Variants in MAPK6 observed in about 807,000 individuals in gnomAD.
MAPK6 encodes mitogen-activated protein kinase 6, also known as ERK-3.
A neutral mutation model predicts 59.3 loss-of-function variants in MAPK6; 19 were observed. The ratio of observed to expected loss-of-function variants is 0.32; its 90% CI spans 0.22 to 0.47. The LOEUF is 0.47. MAPK6 is among the 20% of genes least tolerant of loss of function. The probability of loss-of-function intolerance (pLI) is 1.00; values close to 1 mark genes in which losing one functional copy is unlikely to be tolerated. For missense variants in MAPK6, 724 were observed against 847.9 expected, an observed-to-expected ratio of 0.85 and a Z score of 1.81; for synonymous variants, 316 against 290.3, an observed-to-expected ratio of 1.09 and a Z score of -0.90.
At chr15:52,003,824 G>T (rs4502161) in intron 2 of MAPK6, among the ~76,000 whole-genome samples, 151,537 of 152,366 alleles carry the variant, frequency 0.99, 75,380 homozygotes, top group Middle Eastern at 1. Context: ...GAGTAAAATA[G>T]GGATGGCCAG....
intron 1 of MAPK6, among the ~76,000 whole-genome samples, chr15:52,038,956 T>C (rs918158593): frequency 6.6e-6 from 1 of 152,186 alleles, no homozygotes; most frequent in Non-Finnish European, 1.5e-5. Context: ...TCTATAGGGA[T>C]GTTATTACTA....
intron 2 of MAPK6, among the ~76,000 whole-genome samples, chr15:51,989,824 G>A (rs1351724952): frequency 1.3e-5 from 2 of 152,024 alleles, no homozygotes; most frequent in Non-Finnish European, 1.5e-5. Context: ...GGCTGGTCTC[G>A]AATGCTTGGC....
intron 3 of MAPK6, among the ~76,000 whole-genome samples, chr15:52,010,491 A>C (rs1046109949): frequency 7.1e-6 from 1 of 139,920 alleles, no homozygotes; most frequent in African/African-American, 2.7e-5. Context: ...CTGGGATTAC[A>C]GGCATGAGCC....
At chr15:52,010,551 C>T (rs1365059060) in intron 3 of MAPK6, among the ~76,000 whole-genome samples, 2 of 119,698 alleles carry the variant, frequency 1.7e-5, no homozygotes, top group Middle Eastern at 6.6e-3. Flanking sequence ...CAGAGTTTCA[C>T]TCTGTTGCCC....
chr15:52,047,594 C>T (rs559124563), intron 2 of MAPK6, among the ~76,000 whole-genome samples: 96 of 151,972 alleles, frequency 6.3e-4, no homozygotes, highest in African/African-American at 2.0e-3. Context: ...GATCTGCCTG[C>T]GTCAGCCTCC....
At chr15:52,052,446 A>G (rs1358412098) in intron 3 of MAPK6, among the ~76,000 whole-genome samples, 1 of 152,230 alleles carries the variant, frequency 6.6e-6, no homozygotes, top group African/African-American at 2.4e-5. Flanking sequence ...TTATTTAAAT[A>G]ATATAGTTCC....
chr15:51,999,620 A>T (rs1321938943), intron 2 of MAPK6, among the ~76,000 whole-genome samples: 6 of 151,090 alleles, frequency 4.0e-5, no homozygotes, highest in Non-Finnish European at 7.4e-5. Flanking sequence ...TTTTTATTTT[A>T]GTTTCCCTCT....
Position 52,058,749 on chromosome 15 carries a change from G to C in MAPK6, c.817G>C (p.Glu273Gln). ...AGTTTACATTAGAAATGACATGACTGAGCCACACAAACCTTTAACTCAGCT... is the reference window on the plus strand; with the variant it reads ...AGTTTACATTAGAAATGACATGACTCAGCCACACAAACCTTTAACTCAGCT... The part of the protein sequence containing the change: ...IPVYIRNDMT[E>Q]PHKPLTQLLP... The change falls in exon 4 of 6, where the codon GAG (glutamate) becomes CAG (glutamine). Residue 273 changes from glutamate (E) to glutamine (Q), a missense_variant. Coordinates refer to ENST00000261845, the MANE Select transcript of MAPK6 (RefSeq NM_002748.4). The C allele has an allele frequency of 6.2e-7, 1 of 1,613,390 alleles. No individual in the cohort carries two copies. Among genetic ancestry groups the C allele is most frequent in the Non-Finnish European group, 8.5e-7 (1 of 1,179,640 alleles).
intron 1 of MAPK6, among the ~76,000 whole-genome samples, chr15:52,034,573 T>C (rs537603940): frequency 6.6e-6 from 1 of 152,330 alleles, no homozygotes; most frequent in East Asian, 1.9e-4. Flanking sequence ...CCCAAAGTGC[T>C]AGGATTACAG....
intron 2 of MAPK6, among the ~76,000 whole-genome samples, chr15:51,994,609 G>A (rs908562109): frequency 1.3e-5 from 2 of 152,116 alleles, no homozygotes; most frequent in Admixed American, 1.3e-4. Context: ...TAGCTTCAAG[G>A]TATTCCTCAC....
At chr15:52,043,401 G>A (rs904646527) in intron 1 of MAPK6, among the ~76,000 whole-genome samples, 2 of 151,558 alleles carry the variant, frequency 1.3e-5, no homozygotes, top group African/African-American at 4.9e-5. Context: ...AGGTCCAAGC[G>A]ATTCTCTTGC....
chr15:52,060,825 G>A (rs2032171990), intron 4 of MAPK6, among the ~76,000 whole-genome samples: 1 of 152,154 alleles, frequency 6.6e-6, no homozygotes, highest in Admixed American at 6.5e-5. Flanking sequence ...GGATGGGAAA[G>A]GGCTTTTATT....
chr15:52,002,256 A>G (rs1203401532), intron 2 of MAPK6, among the ~76,000 whole-genome samples: 1 of 152,158 alleles, frequency 6.6e-6, no homozygotes, highest in African/African-American at 2.4e-5. Context: ...ATTCTCTTCC[A>G]TTGGTATACA....
upstream of MAPK6, among the ~76,000 whole-genome samples, chr15:52,016,066 G>GCACACACACACACACACA (rs926833047): frequency 2.3e-5 from 1 of 44,338 alleles, no homozygotes; most frequent in Non-Finnish European, 4.8e-5. Context: ...GCGCGCGCGC[G>GCACACACACACACACACA]CGCGCACACA....
chr15:52,028,924 G>A (rs1027138424), intron 1 of MAPK6, among the ~76,000 whole-genome samples: 1 of 152,180 alleles, frequency 6.6e-6, no homozygotes, highest in Admixed American at 6.5e-5. Flanking sequence ...TAGTCTTACA[G>A]GCTCTTGTAG....
At chr15:51,974,681 A>G (rs2470617) in intron 1 of MAPK6, among the ~76,000 whole-genome samples, 44,685 of 125,288 alleles carry the variant, frequency 0.36, 8,907 homozygotes, top group African/African-American at 0.39. Context: ...AAAAAAAAAA[A>G]GATGATCTTG....
intron 1 of MAPK6, among the ~76,000 whole-genome samples, chr15:52,029,882 A>G (rs551210533): frequency 1.3e-5 from 2 of 152,360 alleles, no homozygotes; most frequent in East Asian, 3.9e-4. Flanking sequence ...TTCTTCAGAC[A>G]TTCTTCTCCC....
chr15:51,987,667 A>G (rs1338645886), intron 2 of MAPK6, among the ~76,000 whole-genome samples: 2 of 151,772 alleles, frequency 1.3e-5, no homozygotes, highest in African/African-American at 2.4e-5. Context: ...AGTACCCTCC[A>G]GTCCCCTCAC....
At chr15:51,998,468 G>A (rs2141822050) in intron 2 of MAPK6, among the ~76,000 whole-genome samples, 1 of 149,332 alleles carries the variant, frequency 6.7e-6, no homozygotes. Context: ...GCCTCATAAA[G>A]TGCTGGGATT....
Sources: gnomAD v4.1 joint callset for allele counts (sites outside exome capture counted in the v4.1 genomes callset) on GRCh38, gnomAD v4.1.1 for gene constraint, MANE v1.5 for transcripts, NCBI Gene and HGNC (gene_info 2026-07-23, HGNC 2026-07-21) for gene names.